CMTM7: variants seen among roughly 807,000 people sequenced by gnomAD.
CMTM7 encodes CKLF like MARVEL transmembrane domain containing 7.
In CMTM7, 7 loss-of-function variants were observed where a neutral mutation model predicts 19.3. The ratio of observed to expected loss-of-function variants is 0.36; its 90% confidence interval spans 0.21 to 0.68. The LOEUF (loss-of-function observed/expected upper bound fraction) is 0.68, where lower values mean the gene tolerates loss of function less well. CMTM7 is among the 30% of genes least tolerant of loss of function. The pLI, the probability that CMTM7 is intolerant of heterozygous loss-of-function variation, is 0.60. For missense variants in CMTM7, 193 were observed against 232.6 expected, an observed-to-expected ratio of 0.83 and a Z score of 1.11; for synonymous variants, 87 against 99.3, an observed-to-expected ratio of 0.88 and a Z score of 0.74.
chr3:32,406,405 A>C (rs1436300233), intron 1 of CMTM7, among the ~76,000 whole-genome samples: 1 of 152,170 alleles, frequency 6.6e-6, no homozygotes, highest in Non-Finnish European at 1.5e-5. Context: ...ATGCTTTTCA[A>C]CATTTTTGCA....
chr3:32,434,212 A>G (rs1696562046), intron 1 of CMTM7, among the ~76,000 whole-genome samples: 1 of 152,194 alleles, frequency 6.6e-6, no homozygotes, highest in South Asian at 2.1e-4. Flanking sequence ...CAATAATAAT[A>G]CAAAAATAAA....
intron 1 of CMTM7, among the ~76,000 whole-genome samples, chr3:32,415,583 C>T (rs991856002): frequency 6.6e-6 from 1 of 152,240 alleles, no homozygotes; most frequent in Non-Finnish European, 1.5e-5. Context: ...TTCTCTATGC[C>T]TCAGTTCCCT....
chr3:32,433,477 C>T (rs978203131), intron 1 of CMTM7, among the ~76,000 whole-genome samples: 1 of 152,182 alleles, frequency 6.6e-6, no homozygotes, highest in Non-Finnish European at 1.5e-5. Context: ...ACAGCCACAC[C>T]CTGGTAGTCT....
intron 1 of CMTM7, among the ~76,000 whole-genome samples, chr3:32,411,930 A>G (rs917716643): frequency 7.2e-5 from 11 of 151,954 alleles, no homozygotes; most frequent in African/African-American, 2.7e-4. Context: ...GGCAGGAGGG[A>G]AAGGTGGAAG....
intron 2 of CMTM7, among the ~76,000 whole-genome samples, chr3:32,442,263 C>T (rs1255544857): frequency 6.6e-6 from 1 of 151,760 alleles, no homozygotes; most frequent in Non-Finnish European, 1.5e-5. Flanking sequence ...GTAATCCCAG[C>T]ACTTTGGGAG....
intron 4 of CMTM7, among the ~76,000 whole-genome samples, chr3:32,452,958 T>G (rs342744): frequency 0.74 from 89,171 of 121,032 alleles, 33,514 homozygotes; most frequent in Non-Finnish European, 0.79. Flanking sequence ...TTTTTTAGAG[T>G]TGGAGTCTCA....
intron 2 of CMTM7, among the ~76,000 whole-genome samples, chr3:32,445,554 C>T (rs982443407): frequency 6.6e-6 from 1 of 152,078 alleles, no homozygotes; most frequent in Admixed American, 6.6e-5. Context: ...GGTCTATCAT[C>T]CAGGCTGGAG....
intron 1 of CMTM7, among the ~76,000 whole-genome samples, chr3:32,421,508 G>A (rs534740218): frequency 6.6e-6 from 1 of 152,288 alleles, no homozygotes; most frequent in East Asian, 1.9e-4. Flanking sequence ...TGCTTTTGTG[G>A]AGTCCACACC....
intron 1 of CMTM7, among the ~76,000 whole-genome samples, chr3:32,439,242 C>T (rs893612816): frequency 3.3e-5 from 5 of 152,170 alleles, no homozygotes; most frequent in Non-Finnish European, 1.5e-5. Flanking sequence ...TGTTGAGGGA[C>T]TCTTTGTGTC....
chr3:32,409,506 A>G lies in CMTM7; in HGVS notation c.159+17441A>G, dbSNP rs140744295. 1.2e-4 allele frequency among the ~76,000 whole-genome samples: 19 copies of G among 152,266 alleles called. No homozygotes were observed. The East Asian group carries it at 3.7e-3, about 29-fold the overall frequency. On this transcript the variant is annotated intron_variant, in intron 1 of 4. Coordinates refer to ENST00000334983, the MANE Select transcript of CMTM7 (RefSeq NM_138410.4). ...TAACTTATCTACAAGCCTTACTCAG[A>G]TTTTGCCATTGACCCACTAATGTCC...
At chr3:32,450,610 T>C (rs1696815522) in intron 3 of CMTM7, among the ~76,000 whole-genome samples, 1 of 152,100 alleles carries the variant, frequency 6.6e-6, no homozygotes, top group African/African-American at 2.4e-5. Context: ...ATGCTCCACA[T>C]GGCCCTCCCA....
chr3:32,414,449 G>A (rs984507714), intron 1 of CMTM7, among the ~76,000 whole-genome samples: 1 of 152,156 alleles, frequency 6.6e-6, no homozygotes, highest in African/African-American at 2.4e-5. Context: ...AAATTACCAA[G>A]ATAATAAATA....
intron 2 of CMTM7, among the ~76,000 whole-genome samples, chr3:32,445,044 A>G (rs1030316402): frequency 1.3e-5 from 2 of 152,190 alleles, no homozygotes; most frequent in Non-Finnish European, 2.9e-5. Context: ...TACTTTTTGC[A>G]TATTGATTTG....
intron 1 of CMTM7, among the ~76,000 whole-genome samples, chr3:32,412,563 G>T (rs1377071164): frequency 6.4e-5 from 9 of 140,804 alleles, no homozygotes; most frequent in South Asian, 4.6e-4. Context: ...TCCTCCAGCA[G>T]TTTTTTTCAT....
chr3:32,404,139 T>C (rs1696051865), intron 1 of CMTM7, among the ~76,000 whole-genome samples: 1 of 85,678 alleles, frequency 1.2e-5, no homozygotes, highest in East Asian at 2.5e-4. Context: ...CTTTTCTTTC[T>C]TTCTTTTTTT....
chr3:32,410,623 TCA>T (rs1473963780), intron 1 of CMTM7, among the ~76,000 whole-genome samples: 4 of 151,132 alleles, frequency 2.6e-5, no homozygotes, highest in African/African-American at 9.7e-5. Context: ...CTGGGAAAAG[TCA>T]CAGAGAGGCT....
intron 1 of CMTM7, among the ~76,000 whole-genome samples, chr3:32,408,838 T>C (rs764130909): frequency 2.0e-5 from 3 of 147,574 alleles, no homozygotes; most frequent in Non-Finnish European, 3.0e-5. Flanking sequence ...TTTTTAGTGT[T>C]TGTAGAAGTA....
intron 1 of CMTM7, among the ~76,000 whole-genome samples, chr3:32,430,992 A>G (rs1320780682): frequency 6.6e-6 from 1 of 152,232 alleles, no homozygotes; most frequent in African/African-American, 2.4e-5. Flanking sequence ...TGGAGAACCA[A>G]TATACCATTC....
At chr3:32,417,365 G>C (rs1696282916) in intron 1 of CMTM7, among the ~76,000 whole-genome samples, 1 of 152,192 alleles carries the variant, frequency 6.6e-6, no homozygotes, top group Non-Finnish European at 1.5e-5. Flanking sequence ...CTTAGGAAAA[G>C]GGGTTTAAAT....
Sources: gnomAD v4.1 joint callset for allele counts (sites outside exome capture counted in the v4.1 genomes callset) on GRCh38, gnomAD v4.1.1 for gene constraint, MANE v1.5 for transcripts, NCBI Gene and HGNC (gene_info 2026-07-23, HGNC 2026-07-21) for gene names.